The following NREP variants were observed in gnomAD, a reference collection of about 807,000 sequenced individuals.
NREP encodes neuronal regeneration-related protein.
Under a neutral mutation model 8.6 loss-of-function variants are expected in NREP, and 5 were observed. That is an observed-to-expected ratio of 0.58 (90% CI 0.30 to 1.22). The LOEUF (loss-of-function observed/expected upper bound fraction) is 1.22, where lower values mean the gene tolerates loss of function less well. NREP is among the 50% of genes most tolerant of loss of function. The pLI, the probability that NREP is intolerant of heterozygous loss-of-function variation, is 0.07. For missense variants in NREP, 86 were observed against 82.5 expected (o/e 1.04, Z -0.17); for synonymous variants, 27 against 28.0 (o/e 0.96, Z 0.11).
intron 2 of NREP, among the ~76,000 whole-genome samples, chr5:111,768,635 C>G (rs1248372409): frequency 6.6e-6 from 1 of 152,132 alleles, no homozygotes; most frequent in Non-Finnish European, 1.5e-5. Context: ...TCTGTTCCTG[C>G]ATTAATTTGC....
chr5:111,965,061 G>C (rs939599034), intron 2 of NREP, among the ~76,000 whole-genome samples: 12 of 151,916 alleles, frequency 7.9e-5, no homozygotes, highest in African/African-American at 2.9e-4. Flanking sequence ...GCCATCCTTA[G>C]GGTCTCTCTC....
intron 2 of NREP, among the ~76,000 whole-genome samples, chr5:111,789,118 TA>T: frequency 6.6e-6 from 1 of 152,280 alleles, no homozygotes; most frequent in African/African-American, 2.4e-5. Flanking sequence ...TGTGTGTATA[TA>T]AATACGTATA....
chr5:111,960,312 C>T (rs986204105), intron 2 of NREP, among the ~76,000 whole-genome samples: 2 of 152,138 alleles, frequency 1.3e-5, no homozygotes, highest in African/African-American at 2.4e-5. Flanking sequence ...CCAAGTAGGT[C>T]AAAGTCATAG....
rs551908057 is a variant in NREP at position 111,779,419 on chromosome 5, A to G, written c.136-43912T>C. 4.6e-5 allele frequency among the ~76,000 whole-genome samples: 7 copies of G among 152,278 alleles called. No homozygotes were observed. The South Asian group carries it at 1.4e-3, about 32-fold the overall frequency. ...CTGCTCTGCTCAGACTATTTTAGCT[A>G]CTGTCTGTTAGTCTTAGCTCATTGC... On this transcript the variant is annotated intron_variant, in intron 2 of 3. Transcript: ENST00000395634.
At chr5:111,818,009 T>C (rs1752433604) in intron 2 of NREP, among the ~76,000 whole-genome samples, 1 of 152,048 alleles carries the variant, frequency 6.6e-6, no homozygotes, top group African/African-American at 2.4e-5. Flanking sequence ...TGAAAGAAAG[T>C]CAAATATCAG....
intron 2 of NREP, among the ~76,000 whole-genome samples, chr5:111,924,327 C>T (rs552414257): frequency 1.4e-4 from 21 of 152,220 alleles, no homozygotes; most frequent in South Asian, 1.2e-3. Context: ...GGTCTTTAGA[C>T]GGTGTTTGTC....
chr5:111,777,560 G>A (rs1177843043), intron 2 of NREP, among the ~76,000 whole-genome samples: 1 of 152,072 alleles, frequency 6.6e-6, no homozygotes, highest in East Asian at 1.9e-4. Context: ...ACATCTAGGA[G>A]TAAATACGAC....
intron 2 of NREP, chr5:111,846,510 T>C (rs1753179174): frequency 6.7e-6 from 1 of 148,902 alleles, no homozygotes; most frequent in African/African-American, 2.5e-5. Flanking sequence ...AGGAACAGGC[T>C]TAGCTCATTG....
intron 2 of NREP, among the ~76,000 whole-genome samples, chr5:111,787,946 G>T (rs1296170346): frequency 1.3e-5 from 2 of 151,988 alleles, no homozygotes; most frequent in African/African-American, 2.4e-5. Context: ...GAAATAAAAA[G>T]AATTAGCTGG....
intron 2 of NREP, among the ~76,000 whole-genome samples, chr5:111,779,391 G>T (rs913561098): frequency 1.3e-5 from 2 of 152,142 alleles, no homozygotes; most frequent in African/African-American, 2.4e-5. Flanking sequence ...CGGGAGGTTT[G>T]CTCTGCTCTG....
intron 2 of NREP, among the ~76,000 whole-genome samples, chr5:111,877,996 A>C (rs1011933199): frequency 6.6e-6 from 1 of 152,232 alleles, no homozygotes; most frequent in South Asian, 2.1e-4. Flanking sequence ...TATTGAAGCA[A>C]GGAGGACAGT....
intron 2 of NREP, among the ~76,000 whole-genome samples, chr5:111,883,054 C>T (rs1754131365): frequency 6.6e-6 from 1 of 152,096 alleles, no homozygotes; most frequent in African/African-American, 2.4e-5. Context: ...GAGTCAAGAC[C>T]CATCAGTGTG....
At chr5:111,783,717 T>C (rs1208108044) in intron 2 of NREP, among the ~76,000 whole-genome samples, 3 of 152,238 alleles carry the variant, frequency 2.0e-5, no homozygotes, top group Non-Finnish European at 2.9e-5. Context: ...CATGTGGTTT[T>C]TCTCCTTCAT....
In NREP at chr5:111,869,143, G is replaced by C. The variant is rs554585142; in HGVS notation, c.135+106131C>G. On this transcript the variant is annotated intron_variant, in intron 2 of 3. Coordinates refer to the NREP transcript ENST00000395634. The stretch of plus-strand genomic sequence containing the variant: ...TTTGTCTGTATGCAACTATGAGTCT[G>C]TATGCAAGTGCTTATGTCTCATACA... 7.7e-4 allele frequency among the ~76,000 whole-genome samples: 118 copies of C among 152,284 alleles called. 1 individual carries two copies. Among genetic ancestry groups the C allele is most frequent in the African/African-American group, 2.7e-3 (112 of 41,570 alleles).
intron 2 of NREP, among the ~76,000 whole-genome samples, chr5:111,871,841 A>G (rs1753797576): frequency 7.0e-6 from 1 of 142,294 alleles, no homozygotes; most frequent in African/African-American, 2.8e-5. Context: ...GTTATGTAGT[A>G]CAGACTATAT....
rs367800566 is a variant in NREP at position 111,867,515 on chromosome 5, A to G, written c.135+107759T>C. On this transcript the variant is annotated intron_variant, in intron 2 of 3. Transcript: ENST00000395634. Reference sequence around the variant, plus strand: ...TATTTAGCCTTACTTACTCCTAAAAACCTTATCTTCAAATATTGTGTGAGA... The same window carrying G: ...TATTTAGCCTTACTTACTCCTAAAAGCCTTATCTTCAAATATTGTGTGAGA... Among the ~76,000 whole-genome samples the G allele has an allele frequency of 4.6e-5, 7 of 152,140 alleles. No individual in the cohort carries two copies. The East Asian group carries it at 1.4e-3, about 29-fold the overall frequency.
chr5:111,756,187 A>C, intron 1 of NREP: 1 of 1,026,050 alleles, frequency 9.7e-7, no homozygotes, highest in South Asian at 3.9e-5. Flanking sequence ...TACTGGCAGT[A>C]TATTTGCAAT....
intron 2 of NREP, among the ~76,000 whole-genome samples, chr5:111,921,016 A>G (rs757173928): frequency 1.3e-4 from 20 of 152,120 alleles, no homozygotes; most frequent in Non-Finnish European, 2.5e-4. Context: ...CTGATCTCTT[A>G]GGTTGCTCTT....
intron 2 of NREP, among the ~76,000 whole-genome samples, chr5:111,811,465 A>T (rs1038327253): frequency 6.6e-6 from 1 of 152,150 alleles, no homozygotes; most frequent in Non-Finnish European, 1.5e-5. Context: ...CTTTCAACGA[A>T]GACTTTGCTA....
Sources: allele counts gnomAD v4.1 joint callset (sites outside exome capture counted in the v4.1 genomes callset), GRCh38; gene constraint gnomAD v4.1.1; transcripts MANE v1.5; gene names NCBI Gene and HGNC (gene_info 2026-07-23, HGNC 2026-07-21).